The following FAM193B variants were observed in gnomAD, a reference collection of about 807,000 sequenced individuals.
The protein encoded by FAM193B is protein FAM193B.
FAM193B carries 27 observed loss-of-function variants against 70.7 expected under a neutral mutation model. That is an observed-to-expected ratio of 0.38 (90% CI 0.28 to 0.53). The LOEUF (loss-of-function observed/expected upper bound fraction) is 0.53. Among genes scored for constraint, FAM193B ranks in the 20% least tolerant of loss-of-function variants. The pLI is 0.81. For missense variants in FAM193B, 1,022 were observed against 1,072.5 expected, an observed-to-expected ratio of 0.95 and a Z score of 0.66; for synonymous variants, 448 against 436.0, an observed-to-expected ratio of 1.03 and a Z score of -0.34.
At position 177,538,707 on chromosome 5, in the gene FAM193B, C is replaced by T. The variant is rs987189865; in HGVS notation, c.453+198G>A. Reference sequence around the variant, plus strand: ...GCACAGACCACCCTGAGGGACTGACCGGTGGGCTGCCAGAAGTTTCTCTTC... The same window carrying T: ...GCACAGACCACCCTGAGGGACTGACTGGTGGGCTGCCAGAAGTTTCTCTTC... On this transcript the variant is annotated intron_variant, in intron 2 of 8. Coordinates refer to ENST00000514747, the MANE Select transcript of FAM193B (RefSeq NM_001190946.3). The surrounding 1 kb of genome is among the most constrained non-coding windows in gnomAD (Gnocchi z 4.1). Among the ~76,000 whole-genome samples the T allele has an allele frequency of 3.5e-4, 54 of 152,188 alleles. No individual in the cohort carries two copies. The highest frequency in any genetic ancestry group is 4.0e-4 in the Non-Finnish European group (27 of 68,032).
At position 177,538,252 on chromosome 5, in the gene FAM193B, A is replaced by C; in HGVS notation, c.454-145T>G. 1.2e-6 allele frequency: 1 copy of C among 836,832 alleles called. No homozygotes were observed. Among genetic ancestry groups the C allele is most frequent in the South Asian group, 2.0e-5 (1 of 50,302 alleles). 51.8% of individuals were successfully genotyped at this position (836,832 alleles called of 1,614,324 possible). A position where few individuals can be genotyped will look rare whatever the true frequency, so the allele number is the denominator to read the frequency against. On this transcript the variant is annotated intron_variant, in intron 2 of 8. Coordinates refer to ENST00000514747, the MANE Select transcript of FAM193B (RefSeq NM_001190946.3). This position sits in a 1 kb window ranked among gnomAD's most constrained non-coding sequence, Gnocchi z 4.1. ...ACACAATTAATACAACTCCAGCTAT[A>C]AGAACAAATGAGGGCCAGGCCTTTG...
chr5:177,553,979 T>A lies in FAM193B; in HGVS notation c.210+270A>T, dbSNP rs1188201999. 35 of 1,259,978 alleles carry A rather than the reference T, an allele frequency of 2.8e-5. No individual in the cohort carries two copies. The South Asian group carries it at 3.5e-4, about 13-fold the overall frequency. The allele number at this position is 1,259,978 out of a possible 1,614,324, so 78.0% of individuals were successfully genotyped here. ...AGCCCAGTCCCAGTCCCAGTCCCAG[T>A]GTGGGTGTACGGCCGGAACGCCCGG... On this transcript the variant is annotated intron_variant, in intron 1 of 8. Transcript: ENST00000514747.
intron 8 of FAM193B, among the ~76,000 whole-genome samples, chr5:177,520,392 C>G (rs1262405839): frequency 2.0e-5 from 3 of 152,232 alleles, no homozygotes; most frequent in African/African-American, 4.8e-5. Context: ...TCCCAGGATC[C>G]TGACAAGGTG....
chr5:177,524,541 CTCT>C lies in FAM193B; in HGVS notation c.1937_1939del (p.Lys646del), dbSNP rs761452978. The stretch of plus-strand genomic sequence containing the variant: ...GGGCCGGGGGGCTGGGCTTGCCTCG[CTCT>C]TCTTGGCCTGACTGCCCTGCCTCTT... On this transcript the variant is annotated inframe_deletion, in exon 6 of 9. Coordinates refer to ENST00000514747, the MANE Select transcript of FAM193B (RefSeq NM_001190946.3). 18 of 1,611,592 alleles carry C rather than the reference CTCT, an allele frequency of 1.1e-5. No individual in the cohort carries two copies. The South Asian group carries it at 1.9e-4, about 17-fold the overall frequency.
chr5:177,528,056 C>T (rs1023432794), intron 5 of FAM193B, among the ~76,000 whole-genome samples: 4 of 152,026 alleles, frequency 2.6e-5, no homozygotes, highest in Admixed American at 6.5e-5. Context: ...AAGTGGAGGA[C>T]GAGGAGCTCA....
At chr5:177,544,491 CA>C (rs1232883463) in intron 1 of FAM193B, among the ~76,000 whole-genome samples, 3 of 152,104 alleles carry the variant, frequency 2.0e-5, no homozygotes, top group African/African-American at 7.2e-5. Flanking sequence ...AAAAAATGAA[CA>C]ATGAATAAAA....
rs1762298656 is a variant in FAM193B, at chr5:177,524,607, G to A, written c.1874C>T (p.Pro625Leu). The A allele has an allele frequency of 1.3e-5, 21 of 1,612,212 alleles. No individual in the cohort carries two copies. The highest frequency in any genetic ancestry group is 1.7e-5 in the Non-Finnish European group (20 of 1,179,294). Reference protein sequence around the residue: ...KEVPSCKQELPEPVSSGGKPQ... With the variant: ...KEVPSCKQELLEPVSSGGKPQ... ...CTTCCCACCTGAGGACACAGGCTCA[G>A]GCAGCTCCTGCTTGCAACTGGGAAC... The change falls in exon 6 of 9, where the codon CCT becomes CTT. Residue 625 changes from proline (P) to leucine (L), a missense_variant. By Grantham distance (98) the Pro-to-Leu change is moderately conservative. Coordinates refer to ENST00000514747, the MANE Select transcript of FAM193B (RefSeq NM_001190946.3).
chr5:177,549,332 A>G (rs1765893608), intron 1 of FAM193B, among the ~76,000 whole-genome samples: 2 of 151,856 alleles, frequency 1.3e-5, no homozygotes, highest in South Asian at 2.1e-4. Flanking sequence ...AGCTGGGACT[A>G]TAGGTGCCCG....
chr5:177,537,847 G>T (rs777947757), intron 3 of FAM193B, 26 bp downstream of exon 3: 14 of 1,595,620 alleles, frequency 8.8e-6, no homozygotes, highest in Non-Finnish European at 1.1e-5. Flanking sequence ...ATAGGGCCTG[G>T]CTCTCTCCCG....
intron 1 of FAM193B, chr5:177,547,109 G>A (rs1581932672): frequency 6.6e-6 from 1 of 152,064 alleles, no homozygotes; most frequent in East Asian, 1.9e-4. Flanking sequence ...TATGAAATGG[G>A]AATAAAACCA....
rs181193087 is a variant in FAM193B at position 177,527,416 on chromosome 5, C to T, written c.1276-2211G>A. 7.6e-3 allele frequency among the ~76,000 whole-genome samples: 1,154 copies of T among 152,224 alleles called. 60 individuals carry two copies. Among genetic ancestry groups the T allele is most frequent in the Admixed American group, 0.07 (1,065 of 15,280 alleles). On this transcript the variant is annotated intron_variant, in intron 5 of 8. Coordinates refer to ENST00000514747, the MANE Select transcript of FAM193B (RefSeq NM_001190946.3). The stretch of plus-strand genomic sequence containing the variant: ...AAGGTAGTGGCAGTAGGGTGGAGAG[C>T]GGTGGACTGGTCTGAGCTATCAGCG...
intron 4 of FAM193B, 29 bp downstream of exon 4, chr5:177,536,329 C>A (rs776352866): frequency 6.2e-7 from 1 of 1,601,396 alleles, no homozygotes; most frequent in Non-Finnish European, 8.5e-7. Context: ...AAGTGGGTAG[C>A]GAGTTTGCCC....
In FAM193B at chr5:177,554,437, G is replaced by C. The variant is rs934288377; in HGVS notation, c.22C>G (p.Pro8Ala). 1 of 1,060,480 alleles carries C rather than the reference G, an allele frequency of 9.4e-7. No individual in the cohort carries two copies. The highest frequency in any genetic ancestry group is 1.1e-6 in the Non-Finnish European group (1 of 881,898). The allele number at this position is 1,060,480 out of a possible 1,614,324, so 65.7% of individuals were successfully genotyped here. The change falls in exon 1 of 9, where the codon CCG becomes GCG. Residue 8 changes from proline to alanine, a missense_variant. Physicochemically the swap from Pro to Ala is conservative, Grantham distance 27 (BLOSUM62 -1). Coordinates refer to ENST00000514747, the MANE Select transcript of FAM193B (RefSeq NM_001190946.3). MTRRRSRPSGGAGRRERA... is the reference protein window; with the variant it reads MTRRRSRASGGAGRRERA... ...TCGCGCCTGCCCGCACCGCCGCTCG[G>C]CCTGCTCCGCCTCCGCGTCATGCCG...
intron 1 of FAM193B, 167 bp downstream of exon 1, chr5:177,554,082 C>A: frequency 7.2e-7 from 1 of 1,383,638 alleles, no homozygotes; most frequent in Non-Finnish European, 9.4e-7. Context: ...GAGAGGGGTC[C>A]AGCCTCCATT....
Position 177,524,286 on chromosome 5 carries a change from G to A in FAM193B, c.2195C>T (p.Ser732Phe). The change falls in exon 6 of 9, where the codon TCT becomes TTT. Residue 732 changes from serine to phenylalanine, a missense_variant. Coordinates refer to ENST00000514747, the MANE Select transcript of FAM193B (RefSeq NM_001190946.3). ...EAKARPQEQE[S>F]VQPSGPARPQ... is the part of the protein sequence containing the mutation. Reference sequence around the variant, plus strand: ...CCTTGCTGGGCCTGAGGGCTGCACAGACTCCTGCTCCTGAGGCCGTGCCTT... The same window carrying A: ...CCTTGCTGGGCCTGAGGGCTGCACAAACTCCTGCTCCTGAGGCCGTGCCTT... The A allele has an allele frequency of 6.3e-7, 1 of 1,584,156 alleles. No homozygotes were observed. Among genetic ancestry groups the A allele is most frequent in the Non-Finnish European group, 8.6e-7 (1 of 1,165,222 alleles).
Position 177,525,126 on chromosome 5 carries a change from G to A in FAM193B, c.1355C>T (p.Ala452Val). 5 of 1,552,708 alleles carry A rather than the reference G, an allele frequency of 3.2e-6. No individual in the cohort carries two copies. Among genetic ancestry groups the A allele is most frequent in the Non-Finnish European group, 4.3e-6 (5 of 1,151,112 alleles). Residue 452 changes from alanine (A) to valine (V), a missense_variant, in exon 6 of 9, where the codon GCC becomes GTC. Ala to Val is a moderately conservative substitution (Grantham distance 64). Transcript: ENST00000514747. ...RVSGSREPRP[A>V]RERLLEWPDR... ...GGGCCACTCCAAGAGCCTCTCCCTG[G>A]CAGGCCTTGGCTCCCGGCTTCCAGA...
intron 1 of FAM193B, among the ~76,000 whole-genome samples, chr5:177,552,449 T>C (rs576401171): frequency 6.6e-6 from 1 of 152,354 alleles, no homozygotes; most frequent in African/African-American, 2.4e-5. Context: ...AGCTTAGAGC[T>C]CTTGGCAAAG....
chr5:177,537,824 G>C, intron 3 of FAM193B, 49 bp downstream of exon 3: 2 of 1,552,112 alleles, frequency 1.3e-6, no homozygotes. Context: ...GGAAAACACA[G>C]CTGTCCACAT....
chr5:177,532,055 G>A lies in FAM193B; in HGVS notation c.1275+388C>T, dbSNP rs1014943488. 13 of 1,293,808 alleles carry A rather than the reference G, an allele frequency of 1.0e-5. No individual in the cohort carries two copies. The African/African-American group carries it at 1.4e-4, about 14-fold the overall frequency. 80.1% of individuals were successfully genotyped at this position (1,293,808 alleles called of 1,614,324 possible). On this transcript the variant is annotated intron_variant, in intron 5 of 8. Transcript: ENST00000514747. The surrounding 1 kb of genome is among the most constrained non-coding windows in gnomAD (Gnocchi z 4.9). Reference sequence around the variant, plus strand: ...CGTCTGTGCTCACGGCCTGTCCCTCGGCTGGCTGTCACACTTGGGGGACTG... The same window carrying A: ...CGTCTGTGCTCACGGCCTGTCCCTCAGCTGGCTGTCACACTTGGGGGACTG...
Sources: gnomAD v4.1 joint callset for allele counts (sites outside exome capture counted in the v4.1 genomes callset) on GRCh38, gnomAD v4.1.1 for gene constraint, Gnocchi (gnomAD v3.1) non-coding constraint, MANE v1.5 for transcripts, NCBI Gene and HGNC (gene_info 2026-07-23, HGNC 2026-07-21) for gene names.